The following LMAN1L variants were observed in gnomAD, a reference collection of about 807,000 sequenced individuals.
The protein encoded by LMAN1L is lectin, mannose binding 1 like, also known as protein ERGIC-53-like.
A neutral mutation model predicts 58.3 loss-of-function variants in LMAN1L; 60 were observed. The ratio of observed to expected loss-of-function variants is 1.03; its 90% CI spans 0.84 to 1.27. LMAN1L has a LOEUF of 1.27. LMAN1L is among the 50% of genes most tolerant of loss of function. The pLI is 0.00. For synonymous variants in LMAN1L, 280 were observed against 271.6 expected (o/e 1.03, Z -0.31); for missense variants, 629 against 674.0 (o/e 0.93, Z 0.74).
intron 1 of LMAN1L, among the ~76,000 whole-genome samples, chr15:74,814,215 T>C (rs886743591): frequency 6.6e-6 from 1 of 150,894 alleles, no homozygotes; most frequent in African/African-American, 2.4e-5. Context: ...TTTTGTGAGA[T>C]GGAGTTTCAC....
At chr15:74,818,026 AAAAG>A (rs1307244902) in intron 4 of LMAN1L, among the ~76,000 whole-genome samples, 1 of 150,034 alleles carries the variant, frequency 6.7e-6, no homozygotes, top group South Asian at 2.3e-4. Context: ...AAAAAAAAAA[AAAAG>A]AGAGAGAGAA....
At chr15:74,814,617 C>G (rs957037993) in intron 1 of LMAN1L, among the ~76,000 whole-genome samples, 7 of 152,180 alleles carry the variant, frequency 4.6e-5, no homozygotes, top group Non-Finnish European at 8.8e-5. Flanking sequence ...TCGTGATCCG[C>G]CCGCCTTGGC....
intron 12 of LMAN1L, 161 bp downstream of exon 12, chr15:74,823,843 C>G (rs11634474): frequency 0.68 from 501,557 of 734,308 alleles, 173,144 homozygotes; most frequent in Non-Finnish European, 0.72. Context: ...GTCTGTGTGT[C>G]CGTGCATACG....
In LMAN1L at chr15:74,825,485, G is replaced by A. The variant is rs202150167; in HGVS notation, c.1461G>A (p.Leu487=). The A allele has an allele frequency of 1.2e-6, 2 of 1,612,254 alleles. No homozygotes were observed. Among genetic ancestry groups the A allele is most frequent in the Non-Finnish European group, 1.7e-6 (2 of 1,178,574 alleles). Residue 487 remains leucine, a synonymous_variant, in exon 14 of 14, where the codon CTG becomes CTA. Transcript: ENST00000309664. ...FFGYVHFRQE[L]NKSLQECLST... ...TTCTCTCTGGCAGCAGGCAGGAGCT[G>A]AACAAGAGCCTTCAGGAGTGTCTGT...
chr15:74,821,043 G>T (rs1182864265), intron 8 of LMAN1L, 32 bp from the exon 9 acceptor site: 1 of 1,539,370 alleles, frequency 6.5e-7, no homozygotes, highest in Non-Finnish European at 8.8e-7. Context: ...ACCATGGCTG[G>T]CTGCCCATCC....
At chr15:74,816,338 G>GAGC in intron 2 of LMAN1L, 27 bp downstream of exon 2, 1 of 1,609,286 alleles carries the variant, frequency 6.2e-7, no homozygotes, top group Non-Finnish European at 8.5e-7. Context: ...AGAGCTGACA[G>GAGC]AGCGGGGTGG....
At chr15:74,822,493 T>C in intron 10 of LMAN1L, 149 bp from the exon 11 acceptor site, 1 of 631,004 alleles carries the variant, frequency 1.6e-6, no homozygotes, top group Non-Finnish European at 2.8e-6. Context: ...ATGGATGAGG[T>C]CAGAGAAACA....
At chr15:74,813,409 C>A in intron 1 of LMAN1L, 1 of 462,662 alleles carries the variant, frequency 2.2e-6, no homozygotes, top group Non-Finnish European at 4.3e-6. Context: ...ACTCTCCCGG[C>A]TCCATCCCAG....
intron 1 of LMAN1L, among the ~76,000 whole-genome samples, chr15:74,815,821 A>C (rs1208961206): frequency 6.6e-6 from 1 of 152,360 alleles, no homozygotes; most frequent in Admixed American, 6.5e-5. Flanking sequence ...TTGGAGTCAT[A>C]TGGAGCTGAA....
chr15:74,820,854 G>A, intron 8 of LMAN1L, 87 bp downstream of exon 8: 1 of 1,519,030 alleles, frequency 6.6e-7, no homozygotes, highest in Non-Finnish European at 8.8e-7. Context: ...TTAATCAGTA[G>A]GGAAACTGAG....
chr15:74,813,167 C>A, intron 1 of LMAN1L, 138 bp downstream of exon 1: 1 of 914,144 alleles, frequency 1.1e-6, no homozygotes. Flanking sequence ...GCCAGGCACC[C>A]CAGGACCCCT....
chr15:74,819,033 T>C, intron 5 of LMAN1L, 119 bp from the exon 6 acceptor site: 1 of 1,256,330 alleles, frequency 8.0e-7, no homozygotes, highest in Non-Finnish European at 1.1e-6. Context: ...GGAGTGCGGG[T>C]CACCTCCATG....
chr15:74,814,366 GTTTTTGTTTTTGTTT>G (rs1180729857), intron 1 of LMAN1L, among the ~76,000 whole-genome samples: 1 of 71,362 alleles, frequency 1.4e-5, no homozygotes, highest in African/African-American at 4.1e-5. Context: ...GCTAATTTTT[GTTTTTGTTTTTGTTT>G]TTTTTTTTTT....
chr15:74,825,148 C>G, intron 13 of LMAN1L: 1 of 194,590 alleles, frequency 5.1e-6, no homozygotes, highest in Non-Finnish European at 1.1e-5. Context: ...AATTTCAAGA[C>G]AAGAAGAGTC....
chr15:74,813,071 C>A lies in LMAN1L; in HGVS notation c.175+42C>A, dbSNP rs1567222632. On this transcript the variant is annotated intron_variant, in intron 1 of 13. Transcript: ENST00000309664. ...GGGACCAGCTATGCCCAGGGTCCCT[C>A]AAAGTGCTGGAGGGGCTGTGACTTG... 4.4e-6 allele frequency: 7 copies of A among 1,578,062 alleles called. No homozygotes were observed. The South Asian group carries it at 8.1e-5, about 18-fold the overall frequency.
At position 74,824,379 on chromosome 15, in the gene LMAN1L, C is replaced by G. The variant is rs267604324; in HGVS notation, c.1352C>G (p.Pro451Arg). ...AKAAAKAPRP[P>R]GQPPRASSCL... ...GCAGCAGCCAAGGCCCCCCGCCCAC[C>G]TGGCCAGCCCCCAAGGGCCTCCTCG... is the stretch of plus-strand genomic sequence containing the variant. The change falls in exon 13 of 14, where the codon CCT becomes CGT. Residue 451 changes from proline (P) to arginine (R), a missense_variant. Physicochemically the swap from Pro to Arg is moderately radical, Grantham distance 103 (BLOSUM62 -2). Transcript: ENST00000309664. 5 of 1,613,898 alleles carry G rather than the reference C, an allele frequency of 3.1e-6. No individual in the cohort carries two copies. The highest frequency in any genetic ancestry group is 4.2e-6 in the Non-Finnish European group (5 of 1,179,842).
At chr15:74,821,256 C>A in intron 9 of LMAN1L, 30 bp downstream of exon 9, 1 of 1,545,044 alleles carries the variant, frequency 6.5e-7, no homozygotes, top group Non-Finnish European at 8.7e-7. Context: ...TCCAAGGCTC[C>A]ACCTGCGGGC....
chr15:74,815,598 A>C (rs771691379), intron 1 of LMAN1L, among the ~76,000 whole-genome samples: 3 of 152,172 alleles, frequency 2.0e-5, no homozygotes, highest in Non-Finnish European at 4.4e-5. Context: ...TCACCTTGGA[A>C]TGCCCCCTAG....
intron 4 of LMAN1L, among the ~76,000 whole-genome samples, chr15:74,818,331 G>C (rs952198033): frequency 1.3e-5 from 2 of 152,186 alleles, no homozygotes; most frequent in African/African-American, 4.8e-5. Context: ...CAGCAAATCT[G>C]GGCAGAGTGG....
Sources: allele counts gnomAD v4.1 joint callset (sites outside exome capture counted in the v4.1 genomes callset), GRCh38; gene constraint gnomAD v4.1.1; transcripts MANE v1.5; gene names NCBI Gene and HGNC (gene_info 2026-07-23, HGNC 2026-07-21).